Variants in SH3RF2 observed in about 807,000 individuals in gnomAD.
SH3RF2 encodes the protein SH3 domain containing ring finger 2, also known as E3 ubiquitin-protein ligase SH3RF2.
A neutral mutation model predicts 59.0 loss-of-function variants in SH3RF2; 43 were observed. The ratio of observed to expected loss-of-function variants is 0.73; its 90% CI spans 0.57 to 0.94. SH3RF2 has a LOEUF of 0.94. Among genes scored for constraint, SH3RF2 ranks in the 40% least tolerant of loss-of-function variants. The pLI, the probability that SH3RF2 is intolerant of heterozygous loss-of-function variation, is 0.00. For missense variants in SH3RF2, 930 were observed against 940.1 expected, an observed-to-expected ratio of 0.99 and a Z score of 0.14; for synonymous variants, 391 against 391.5, an observed-to-expected ratio of 1.00 and a Z score of 0.01.
intron 4 of SH3RF2, among the ~76,000 whole-genome samples, chr5:146,012,357 TCA>T (rs1393124053): frequency 6.6e-6 from 1 of 152,222 alleles, no homozygotes; most frequent in Admixed American, 6.5e-5. Context: ...GGCTTTGGTA[TCA>T]GGATGATGCT....
At chr5:145,958,985 C>A (rs1270381165) in intron 2 of SH3RF2, among the ~76,000 whole-genome samples, 1 of 152,126 alleles carries the variant, frequency 6.6e-6, no homozygotes, top group East Asian at 1.9e-4. Context: ...AGTTTATGGC[C>A]ATTTTGAGCC....
At chr5:146,074,406 G>A (rs1478496667) in intron 9 of SH3RF2, among the ~76,000 whole-genome samples, 1 of 152,074 alleles carries the variant, frequency 6.6e-6, no homozygotes, top group East Asian at 1.9e-4. Flanking sequence ...AAGCGGAGAG[G>A]CAAATTACCG....
At chr5:145,997,525 C>G (rs1760216905) in intron 2 of SH3RF2, 1 of 1,605,734 alleles carries the variant, frequency 6.2e-7, no homozygotes. Context: ...AAGAATCCTC[C>G]TCGAGATTTT....
chr5:146,028,209 C>CACACACACACACACACAG (rs1491332228), intron 5 of SH3RF2, among the ~76,000 whole-genome samples: 8 of 128,938 alleles, frequency 6.2e-5, no homozygotes, highest in African/African-American at 2.2e-4. Context: ...CACACACACA[C>CACACACACACACACACAG]AGAGATAATT....
intron 2 of SH3RF2, among the ~76,000 whole-genome samples, chr5:145,977,299 G>A (rs952396176): frequency 6.6e-6 from 1 of 152,220 alleles, no homozygotes; most frequent in South Asian, 2.1e-4. Flanking sequence ...CACAGACCAT[G>A]AGGAAGGGAA....
chr5:146,018,460 G>GTA (rs1761187184), intron 5 of SH3RF2, among the ~76,000 whole-genome samples: 1 of 151,576 alleles, frequency 6.6e-6, no homozygotes. Flanking sequence ...GTATTCCATG[G>GTA]TATATATATG....
intron 9 of SH3RF2, among the ~76,000 whole-genome samples, chr5:146,071,718 G>A (rs1763244835): frequency 2.0e-5 from 3 of 152,166 alleles, no homozygotes; most frequent in Non-Finnish European, 1.5e-5. Flanking sequence ...TCACAGCTTT[G>A]TTACTAGCTA....
chr5:146,037,432 A>C (rs1287987049), intron 5 of SH3RF2, among the ~76,000 whole-genome samples: 1 of 152,174 alleles, frequency 6.6e-6, no homozygotes, highest in African/African-American at 2.4e-5. Flanking sequence ...TAAGTAAGGC[A>C]CTGGGACTCT....
downstream of SH3RF2, among the ~76,000 whole-genome samples, chr5:146,066,276 G>A (rs541182730): frequency 3.3e-5 from 5 of 152,294 alleles, no homozygotes; most frequent in Admixed American, 6.5e-5. Context: ...TAGAACGCTC[G>A]GCTGCGCACA....
chr5:146,059,715 AC>A (rs1267825803), intron 8 of SH3RF2, 150 bp from the exon 9 acceptor site: 1 of 524,882 alleles, frequency 1.9e-6, no homozygotes, highest in Non-Finnish European at 3.2e-6. Flanking sequence ...GAATAAGGTC[AC>A]CTTTGAAAGA....
chr5:145,936,618 CGGTTGGAGG>C lies in SH3RF2; in HGVS notation c.-181_-173del, dbSNP rs1757593896. 2 of 152,616 alleles carry C rather than the reference CGGTTGGAGG, an allele frequency of 1.3e-5. No homozygotes were observed. The highest frequency in any genetic ancestry group is 3.9e-4 in the East Asian group (2 of 5,178). 9.5% of individuals were successfully genotyped at this position (152,616 alleles called of 1,614,324 possible). ...CAGCGGCGCTTGGAGGAAAGGAAGCCGGTTGGAGGGCGCAGCGCACCCCTGCTGCGCGGA... is the reference window on the plus strand; with the variant it reads ...CAGCGGCGCTTGGAGGAAAGGAAGCCGCGCAGCGCACCCCTGCTGCGCGGA... On this transcript the variant is annotated 5_prime_UTR_variant, in exon 1 of 10. Transcript: ENST00000359120.
chr5:146,008,729 C>T (rs958594994), intron 4 of SH3RF2, among the ~76,000 whole-genome samples: 1 of 152,176 alleles, frequency 6.6e-6, no homozygotes, highest in Non-Finnish European at 1.5e-5. Flanking sequence ...ACAATCAAGA[C>T]ATAGGAGAGT....
chr5:145,991,407 G>GTTAA (rs1759927426), intron 2 of SH3RF2, among the ~76,000 whole-genome samples: 1 of 152,170 alleles, frequency 6.6e-6, no homozygotes, highest in Non-Finnish European at 1.5e-5. Flanking sequence ...CCCAATAAAT[G>GTTAA]TTAATTTCCT....
intron 5 of SH3RF2, among the ~76,000 whole-genome samples, chr5:146,031,403 A>C (rs1014257381): frequency 6.6e-6 from 1 of 152,246 alleles, no homozygotes; most frequent in African/African-American, 2.4e-5. Flanking sequence ...AGCTATGTAC[A>C]TAAGCCAATA....
intron 3 of SH3RF2, among the ~76,000 whole-genome samples, chr5:146,003,841 A>C (rs796485442): frequency 7.2e-5 from 11 of 152,316 alleles, no homozygotes; most frequent in African/African-American, 2.6e-4. Context: ...GATTCCATTG[A>C]TTCTCCAAAT....
rs572666106 is a variant in SH3RF2 at position 146,015,799 on chromosome 5, C to A, written c.1059+1738C>A. Among the ~76,000 whole-genome samples the A allele has an allele frequency of 6.6e-5, 10 of 152,338 alleles. 1 individual carries two copies. The South Asian group carries it at 1.9e-3, about 28-fold the overall frequency. On this transcript the variant is annotated intron_variant, in intron 5 of 9. Coordinates refer to ENST00000359120, the MANE Select transcript of SH3RF2 (RefSeq NM_152550.4). ...GAATTCCACAGTATGGCACTGCATT[C>A]ACACATCCGATGACCAGGGAACTAC...
At chr5:145,941,148 T>G (rs1162352358) in intron 2 of SH3RF2, among the ~76,000 whole-genome samples, 1 of 152,108 alleles carries the variant, frequency 6.6e-6, no homozygotes, top group Non-Finnish European at 1.5e-5. Context: ...CCTGAAAAAG[T>G]TCGTTTAACT....
chr5:145,993,997 C>T (rs1194819857), intron 2 of SH3RF2, among the ~76,000 whole-genome samples: 1 of 152,240 alleles, frequency 6.6e-6, no homozygotes, highest in African/African-American at 2.4e-5. Context: ...ATGCCTTTAA[C>T]AGCACCCAAG....
At chr5:146,012,587 C>A (rs896289617) in intron 4 of SH3RF2, among the ~76,000 whole-genome samples, 3 of 152,056 alleles carry the variant, frequency 2.0e-5, no homozygotes, top group African/African-American at 7.3e-5. Context: ...CTGGTTTAGT[C>A]TTGGTTGGAT....
Sources: gnomAD v4.1 joint callset for allele counts (sites outside exome capture counted in the v4.1 genomes callset) on GRCh38, gnomAD v4.1.1 for gene constraint, MANE v1.5 for transcripts, NCBI Gene and HGNC (gene_info 2026-07-23, HGNC 2026-07-21) for gene names.